Variants in GAPDH observed in about 807,000 individuals in gnomAD.
GAPDH encodes the protein glyceraldehyde-3-phosphate dehydrogenase, also known as OCAS, p38 component.
GAPDH carries 13 observed loss-of-function variants against 31.2 expected under a neutral mutation model. The ratio of observed to expected loss-of-function variants is 0.42; its 90% CI spans 0.27 to 0.66. GAPDH has a LOEUF of 0.66. GAPDH is among the 30% of genes least tolerant of loss of function. GAPDH has a pLI of 0.26. For synonymous variants in GAPDH, 211 were observed against 166.9 expected (o/e 1.26, Z -2.04); for missense variants, 300 against 443.7 (o/e 0.68, Z 2.91).
rs990731823 is a variant in GAPDH, at chr12:6,534,952, A to G, written c.29+91A>G. On this transcript the variant is annotated intron_variant, in intron 2 of 8. Transcript: ENST00000229239. ...GCGGGCTCCGGGTCTTTGCAGTCGT[A>G]TGGGGGCAGGGTAGCTGTTCCCCGC... 4.1e-5 allele frequency: 57 copies of G among 1,389,922 alleles called. No homozygotes were observed. In the Middle Eastern group the frequency reaches 7.2e-4, roughly 18 times the overall value. 86.1% of individuals were successfully genotyped at this position (1,389,922 alleles called of 1,614,324 possible).
rs45568532 is a variant in GAPDH, at chr12:6,534,537, G to A, written c.-56G>A. On this transcript the variant is annotated 5_prime_UTR_variant, in exon 1 of 9. Transcript: ENST00000229239. ...GCTTCGCTCTCTGCTCCTCCTGTTCGACAGTCAGCCGCATCTTCTTTTGCG... is the reference window on the plus strand; with the variant it reads ...GCTTCGCTCTCTGCTCCTCCTGTTCAACAGTCAGCCGCATCTTCTTTTGCG... The A allele has an allele frequency of 6.7e-3, 3,299 of 488,852 alleles. 96 individuals are homozygous for A. Among genetic ancestry groups the A allele is most frequent in the African/African-American group, 0.061 (2,900 of 47,728 alleles). 30.3% of individuals were successfully genotyped at this position (488,852 alleles called of 1,614,324 possible).
In GAPDH at chr12:6,536,905, C is replaced by T. The variant is rs1946482363; in HGVS notation, c.237-15C>T. Reference sequence around the variant, plus strand: ...TCAATATGGTCCTGTCCCCATCTCCCCCCCACCCCCATAGGCGAGATCCCT... The same window carrying T: ...TCAATATGGTCCTGTCCCCATCTCCTCCCCACCCCCATAGGCGAGATCCCT... On this transcript the variant is annotated splice_polypyrimidine_tract_variant and intron_variant, in intron 4 of 8. Transcript: ENST00000229239. 3.1e-6 allele frequency: 5 copies of T among 1,606,932 alleles called. No homozygotes were observed. Among genetic ancestry groups the T allele is most frequent in the Non-Finnish European group, 4.3e-6 (5 of 1,173,666 alleles).
chr12:6,537,603 C>T lies in GAPDH; in HGVS notation c.545C>T (p.Thr182Ile). 1 of 1,611,900 alleles carries T rather than the reference C, an allele frequency of 6.2e-7. No homozygotes were observed. The highest frequency in any genetic ancestry group is 8.5e-7 in the Non-Finnish European group (1 of 1,179,682). The change falls in exon 8 of 9, where the codon ACT becomes ATT. Residue 182 changes from threonine (T) to isoleucine (I), a missense_variant. Thr to Ile is a moderately conservative substitution (Grantham distance 89). Coordinates refer to ENST00000229239, the MANE Select transcript of GAPDH (RefSeq NM_002046.7). This position sits in a 1 kb window ranked among gnomAD's most constrained non-coding sequence, Gnocchi z 4.9. ...TTGCAGACCACAGTCCATGCCATCA[C>T]TGCCACCCAGAAGACTGTGGATGGC... ...EGLMTTVHAI[T>I]ATQKTVDGPS... is the part of the protein sequence containing the mutation.
Position 6,536,943 on chromosome 12 carries a change from G to A in GAPDH, c.260G>A (p.Trp87Ter), listed in dbSNP as rs1472200461. The A allele has an allele frequency of 6.2e-7, 1 of 1,612,484 alleles. No individual in the cohort carries two copies. Among genetic ancestry groups the A allele is most frequent in the Admixed American group, 1.7e-5 (1 of 59,976 alleles). Residue 87 changes from tryptophan (W) to a stop codon, truncating the protein, a stop_gained, in exon 5 of 9, where the codon TGG (tryptophan) becomes TAG (stop). Coordinates refer to ENST00000229239, the MANE Select transcript of GAPDH (RefSeq NM_002046.7). LOFTEE classifies it high-confidence loss of function. The stretch of plus-strand genomic sequence containing the variant: ...AGGCGAGATCCCTCCAAAATCAAGT[G>A]GGGCGATGCTGGCGCTGAGTACGTC... ...FQERDPSKIK[W>*]GDAGAEYVVE...
chr12:6,537,620 G>A lies in GAPDH; in HGVS notation c.562G>A (p.Val188Met), dbSNP rs1319176362. 4 of 1,611,808 alleles carry A rather than the reference G, an allele frequency of 2.5e-6. No individual in the cohort carries two copies. The highest frequency in any genetic ancestry group is 3.3e-5 in the Admixed American group (2 of 59,994). The change falls in exon 8 of 9, where the codon GTG becomes ATG. Residue 188 changes from valine (V) to methionine (M), a missense_variant. By Grantham distance (21) the Val-to-Met change is conservative (BLOSUM62 1). Transcript: ENST00000229239. This position sits in a 1 kb window ranked among gnomAD's most constrained non-coding sequence, Gnocchi z 4.9. Reference protein sequence around the residue: ...VHAITATQKTVDGPSGKLWRD... With the variant: ...VHAITATQKTMDGPSGKLWRD... Reference sequence around the variant, plus strand: ...TGCCATCACTGCCACCCAGAAGACTGTGGATGGCCCCTCCGGGAAACTGTG... The same window carrying A: ...TGCCATCACTGCCACCCAGAAGACTATGGATGGCCCCTCCGGGAAACTGTG...
In GAPDH at chr12:6,538,349, A is replaced by G. The variant is rs1463154339; in HGVS notation, c.*179A>G. ...AGCCGCACCTTGTCATGTACCATCAATAAAGTACCCTGTGCTCAACCAGTT... is the reference window on the plus strand; with the variant it reads ...AGCCGCACCTTGTCATGTACCATCAGTAAAGTACCCTGTGCTCAACCAGTT... On this transcript the variant is annotated 3_prime_UTR_variant, in exon 9 of 9. Coordinates refer to ENST00000229239, the MANE Select transcript of GAPDH (RefSeq NM_002046.7). 4 of 606,870 alleles carry G rather than the reference A, an allele frequency of 6.6e-6. No homozygotes were observed. The highest frequency in any genetic ancestry group is 5.5e-5 in the East Asian group (2 of 36,324). The allele number at this position is 606,870 out of a possible 1,614,324, so 37.6% of individuals were successfully genotyped here. A position where few individuals can be genotyped will look rare whatever the true frequency, so the allele number is the denominator to read the frequency against.
chr12:6,535,289 G>C, intron 2 of GAPDH: 7 of 1,010,338 alleles, frequency 6.9e-6, no homozygotes, highest in Non-Finnish European at 8.3e-6. Context: ...CTGCGGTAGA[G>C]CGGCCGCCAT....
In GAPDH at chr12:6,537,715, G is replaced by A; in HGVS notation, c.657G>A (p.Lys219=). Reference sequence around the variant, plus strand: ...CTGGCGCTGCCAAGGCTGTGGGCAAGGTCATCCCTGAGCTGAACGGGAAGC... The same window carrying A: ...CTGGCGCTGCCAAGGCTGTGGGCAAAGTCATCCCTGAGCTGAACGGGAAGC... ...ASTGAAKAVG[K]VIPELNGKLT... The change falls in exon 8 of 9, where the codon AAG becomes AAA. Residue 219 remains lysine (K), a synonymous_variant. Transcript: ENST00000229239. The surrounding 1 kb of genome is among the most constrained non-coding windows in gnomAD (Gnocchi z 4.9). 1.2e-6 allele frequency: 2 copies of A among 1,611,666 alleles called. No homozygotes were observed. The highest frequency in any genetic ancestry group is 1.7e-6 in the Non-Finnish European group (2 of 1,179,852).
intron 2 of GAPDH, among the ~76,000 whole-genome samples, chr12:6,536,113 T>C (rs1946458587): frequency 6.6e-6 from 1 of 152,214 alleles, no homozygotes; most frequent in Admixed American, 6.5e-5. Flanking sequence ...TGATGCTGAG[T>C]GTACAAGCGT....
Position 6,534,800 on chromosome 12 carries a change from C to T in GAPDH, c.-23-10C>T, listed in dbSNP as rs916548537. 1.4e-5 allele frequency: 22 copies of T among 1,611,056 alleles called. No homozygotes were observed. The highest frequency in any genetic ancestry group is 1.9e-5 in the Non-Finnish European group (22 of 1,179,372). On this transcript the variant is annotated splice_polypyrimidine_tract_variant and intron_variant, in intron 1 of 8. Coordinates refer to ENST00000229239, the MANE Select transcript of GAPDH (RefSeq NM_002046.7). ...CCACTAGGCGCTCACTGTTCTCTCCCTCCGCGCAGCCGAGCCACATCGCTC... is the reference window on the plus strand; with the variant it reads ...CCACTAGGCGCTCACTGTTCTCTCCTTCCGCGCAGCCGAGCCACATCGCTC...
In GAPDH at chr12:6,537,279, A is replaced by C; in HGVS notation, c.444-30A>C. 1 of 1,600,324 alleles carries C rather than the reference A, an allele frequency of 6.2e-7. No individual in the cohort carries two copies. The highest frequency in any genetic ancestry group is 8.5e-7 in the Non-Finnish European group (1 of 1,178,366). On this transcript the variant is annotated intron_variant, in intron 6 of 8. Coordinates refer to ENST00000229239, the MANE Select transcript of GAPDH (RefSeq NM_002046.7). This position sits in a 1 kb window ranked among gnomAD's most constrained non-coding sequence, Gnocchi z 4.9. ...GGCACCCTATGGACACGCTCCCCTG[A>C]CTTGCGCCCCGCTCCCTCTTTCTTT...
Position 6,537,629 on chromosome 12 carries a change from C to A in GAPDH, c.571C>A (p.Pro191Thr), listed in dbSNP as rs1290717338. 1 of 1,611,624 alleles carries A rather than the reference C, an allele frequency of 6.2e-7. No individual in the cohort carries two copies. The highest frequency in any genetic ancestry group is 8.5e-7 in the Non-Finnish European group (1 of 1,179,842). Residue 191 changes from proline (P) to threonine (T), a missense_variant, in exon 8 of 9, where the codon CCC (proline) becomes ACC (threonine). Physicochemically the swap from Pro to Thr is conservative, Grantham distance 38. Coordinates refer to ENST00000229239, the MANE Select transcript of GAPDH (RefSeq NM_002046.7). This position sits in a 1 kb window ranked among gnomAD's most constrained non-coding sequence, Gnocchi z 4.9. ...TGCCACCCAGAAGACTGTGGATGGCCCCTCCGGGAAACTGTGGCGTGATGG... is the reference window on the plus strand; with the variant it reads ...TGCCACCCAGAAGACTGTGGATGGCACCTCCGGGAAACTGTGGCGTGATGG... ...ITATQKTVDGPSGKLWRDGRG... is the reference protein window; with the variant it reads ...ITATQKTVDGTSGKLWRDGRG...
At position 6,537,703 on chromosome 12, in the gene GAPDH, G is replaced by A. The variant is rs1161322591; in HGVS notation, c.645G>A (p.Lys215=). ...TCCCTGCCTCTACTGGCGCTGCCAA[G>A]GCTGTGGGCAAGGTCATCCCTGAGC... The part of the protein sequence containing the change: ...NIIPASTGAA[K]AVGKVIPELN... The change falls in exon 8 of 9, where the codon AAG becomes AAA. Residue 215 remains lysine (K), a synonymous_variant. Transcript: ENST00000229239. The surrounding 1 kb of genome is among the most constrained non-coding windows in gnomAD (Gnocchi z 4.9). The A allele has an allele frequency of 6.8e-6, 11 of 1,611,586 alleles. No individual in the cohort carries two copies. The highest frequency in any genetic ancestry group is 1.1e-5 in the South Asian group (1 of 91,002).
intron 2 of GAPDH, 32 bp downstream of exon 2, chr12:6,534,893 C>A (rs1565551395): frequency 6.2e-7 from 1 of 1,609,556 alleles, no homozygotes. Flanking sequence ...GGGCCCTGGG[C>A]TGCGACCGCC....
intron 2 of GAPDH, chr12:6,535,511 C>T (rs1367622987): frequency 2.2e-6 from 2 of 928,770 alleles, no homozygotes; most frequent in African/African-American, 1.8e-5. Flanking sequence ...TCTTGTGTCC[C>T]CTCCCCGCAG....
intron 1 of GAPDH, 73 bp downstream of exon 1, chr12:6,534,642 T>C (rs1484836975): frequency 9.2e-6 from 6 of 650,104 alleles, no homozygotes; most frequent in South Asian, 5.2e-5. Flanking sequence ...GCAGGCCGGA[T>C]GTGTTCGCGC....
intron 3 of GAPDH, 24 bp from the exon 4 acceptor site, chr12:6,536,660 T>A (rs1189852777): frequency 6.2e-7 from 1 of 1,607,438 alleles, no homozygotes. Flanking sequence ...GGCAGCCCCT[T>A]CATACCCTCA....
At position 6,537,929 on chromosome 12, in the gene GAPDH, C is replaced by G; in HGVS notation, c.871C>G (p.His291Asp). 4 of 1,614,152 alleles carry G rather than the reference C, an allele frequency of 2.5e-6. No homozygotes were observed. Among genetic ancestry groups the G allele is most frequent in the Non-Finnish European group, 3.4e-6 (4 of 1,180,036 alleles). ...VVSSDFNSDT[H>D]SSTFDAGAGI... ...CTCCTCTGACTTCAACAGCGACACC[C>G]ACTCCTCCACCTTTGACGCTGGGGC... The change falls in exon 8 of 9, where the codon CAC becomes GAC. Residue 291 changes from histidine to aspartate, a missense_variant. Transcript: ENST00000229239. The surrounding 1 kb of genome is among the most constrained non-coding windows in gnomAD (Gnocchi z 4.9).
rs1403017063 is a variant in GAPDH, at chr12:6,538,169, A to G, written c.1007A>G (p.Ter336=). The G allele has an allele frequency of 1.2e-6, 2 of 1,607,164 alleles. No homozygotes were observed. Among genetic ancestry groups the G allele is most frequent in the East Asian group, 2.2e-5 (1 of 44,886 alleles). ...ATGGCCCACATGGCCTCCAAGGAGT[A>G]AGACCCCTGGACCACCAGCCCCAGC... ...DLMAHMASKE[*] is the part of the protein sequence containing the mutation. Residue 336 remains the stop codon, a stop_retained_variant, in exon 9 of 9, where the codon TAA becomes TGA. Transcript: ENST00000229239.
Sources: allele counts gnomAD v4.1 joint callset (sites outside exome capture counted in the v4.1 genomes callset), GRCh38; gene constraint gnomAD v4.1.1; non-coding constraint Gnocchi (gnomAD v3.1); transcripts MANE v1.5; gene names NCBI Gene and HGNC (gene_info 2026-07-23, HGNC 2026-07-21).